TPM3: variants seen among roughly 807,000 people sequenced by gnomAD.
TPM3 encodes the protein tropomyosin alpha-3 chain.
Under a neutral mutation model 43.1 loss-of-function variants are expected in TPM3, and 16 were observed. The ratio of observed to expected loss-of-function variants is 0.37; its 90% confidence interval spans 0.25 to 0.56. The LOEUF is 0.56. TPM3 is among the 20% of genes least tolerant of loss of function. The probability of loss-of-function intolerance (pLI) is 0.77; values close to 1 mark genes in which losing one functional copy is unlikely to be tolerated. For synonymous variants in TPM3, 101 were observed against 116.9 expected (o/e 0.86, Z 0.88); for missense variants, 176 against 337.2 (o/e 0.52, Z 3.74).
chr1:154,170,586 A>G, intron 7 of TPM3, 63 bp downstream of exon 7: 1 of 1,594,048 alleles, frequency 6.3e-7, no homozygotes, highest in Non-Finnish European at 8.6e-7. Flanking sequence ...GTTTAAATCC[A>G]TATTAATGCC....
intron 2 of TPM3, chr1:154,187,367 C>G: frequency 1.0e-6 from 1 of 984,782 alleles, no homozygotes; most frequent in South Asian, 4.7e-5. Flanking sequence ...TTCTTGCTTG[C>G]TCCTGGCCAC....
chr1:154,188,492 G>A (rs902824732), intron 2 of TPM3, among the ~76,000 whole-genome samples: 9 of 151,286 alleles, frequency 5.9e-5, no homozygotes, highest in African/African-American at 2.0e-4. Context: ...TGGCTAACAC[G>A]GTGAAACCCC....
intron 9 of TPM3, among the ~76,000 whole-genome samples, chr1:154,168,161 T>G (rs925469252): frequency 1.3e-5 from 2 of 152,204 alleles, no homozygotes; most frequent in African/African-American, 4.8e-5. Flanking sequence ...AGCAAACAGA[T>G]GAAGCCCCAA....
rs1248563652 is a variant in TPM3 at position 154,163,428 on chromosome 1, C to G, written c.*4509G>C. Among the ~76,000 whole-genome samples, 1 of 152,138 alleles carries G rather than the reference C, an allele frequency of 6.6e-6. No individual in the cohort carries two copies. The highest frequency in any genetic ancestry group is 1.5e-5 in the Non-Finnish European group (1 of 68,020). On this transcript the variant is annotated 3_prime_UTR_variant, in exon 10 of 10. Transcript: ENST00000651641. Reference sequence around the variant, plus strand: ...CTTTTGCCCCTGAAAATGACTCCTCCTCTTCACTTCTTAACACTCAAAATG... The same window carrying G: ...CTTTTGCCCCTGAAAATGACTCCTCGTCTTCACTTCTTAACACTCAAAATG...
chr1:154,158,438 C>T (rs1660018771), downstream of TPM3, among the ~76,000 whole-genome samples: 1 of 152,200 alleles, frequency 6.6e-6, no homozygotes, highest in Non-Finnish European at 1.5e-5. Flanking sequence ...AGCAAGCAAA[C>T]CACTCTGACT....
At position 154,164,380 on chromosome 1, in the gene TPM3, G is replaced by A. The variant is rs894873431; in HGVS notation, c.*3557C>T. On this transcript the variant is annotated 3_prime_UTR_variant, in exon 10 of 10. Coordinates refer to ENST00000651641, the MANE Select transcript of TPM3 (RefSeq NM_152263.4). ...CTCACTTTATTGCCAGGCTGGTCTC[G>A]AACTCCTGGATTCAAGAAATCCTCT... Among the ~76,000 whole-genome samples, 3 of 151,942 alleles carry A rather than the reference G, an allele frequency of 2.0e-5. No homozygotes were observed. The highest frequency in any genetic ancestry group is 2.9e-5 in the Non-Finnish European group (2 of 67,974).
intron 2 of TPM3, among the ~76,000 whole-genome samples, chr1:154,178,515 A>G (rs1239812267): frequency 1.3e-5 from 2 of 152,230 alleles, no homozygotes; most frequent in Non-Finnish European, 2.9e-5. Flanking sequence ...CAATGAAACA[A>G]AAGCCTGCAG....
chr1:154,172,999 A>G (rs1274925820), intron 4 of TPM3, 21 bp from the exon 5 acceptor site: 3 of 1,614,112 alleles, frequency 1.9e-6, no homozygotes, highest in Non-Finnish European at 2.5e-6. Context: ...AGATCCCAGT[A>G]TAGCTTAGTG....
At chr1:154,158,818 A>G (rs769018065), downstream of TPM3, 8 of 666,434 alleles carry the variant, frequency 1.2e-5, no homozygotes, top group Non-Finnish European at 2.2e-5. Flanking sequence ...CAATGCTGTT[A>G]GGAAATCAAC....
rs1663677173 is a variant in TPM3, at chr1:154,191,427, C to T, written c.118-116G>A. 29 of 1,544,632 alleles carry T rather than the reference C, an allele frequency of 1.9e-5. No homozygotes were observed. The South Asian group carries it at 3.3e-4, about 18-fold the overall frequency. On this transcript the variant is annotated intron_variant, in intron 1 of 9. Transcript: ENST00000651641. ...CCATGTTACCATCCCTAGTGAGACA[C>T]ACTTTCTCCCCAGCCACTTCCAGCC...
At chr1:154,174,368 G>GTGTATATATATATATATATA (rs1389219269) in intron 3 of TPM3, among the ~76,000 whole-genome samples, 3 of 46,354 alleles carry the variant, frequency 6.5e-5, no homozygotes, top group African/African-American at 2.0e-4. Flanking sequence ...AAATATATGT[G>GTGTATATATATATATATATA]TATATATATA....
chr1:154,186,400 T>A lies in TPM3; in HGVS notation c.243+4786A>T, dbSNP rs1293739283. 4.6e-5 allele frequency among the ~76,000 whole-genome samples: 7 copies of A among 151,486 alleles called. 1 individual carries two copies. The highest frequency in any genetic ancestry group is 1.7e-4 in the African/African-American group (7 of 40,786). On this transcript the variant is annotated intron_variant, in intron 2 of 9. Transcript: ENST00000651641. ...ATTTGAGCAGATAATCTCCTCTTAA[T>A]GCAGTCAAACAGATGGACTGACTCA...
At chr1:154,180,949 G>A (rs891220603) in intron 2 of TPM3, among the ~76,000 whole-genome samples, 3 of 151,740 alleles carry the variant, frequency 2.0e-5, no homozygotes, top group African/African-American at 4.8e-5. Context: ...GGGGATGGGA[G>A]GCAGGAATCA....
At chr1:154,168,646 C>T (rs898165934) in intron 9 of TPM3, among the ~76,000 whole-genome samples, 6 of 151,924 alleles carry the variant, frequency 3.9e-5, no homozygotes, top group East Asian at 3.9e-4. Flanking sequence ...CTTAGCCTCC[C>T]GAGTAGTTGG....
intron 2 of TPM3, among the ~76,000 whole-genome samples, chr1:154,177,789 C>A (rs1341890441): frequency 6.6e-6 from 1 of 152,170 alleles, no homozygotes; most frequent in African/African-American, 2.4e-5. Context: ...ACCATCAGGA[C>A]TGGCACAAAA....
At chr1:154,175,128 A>G (rs1243128684) in intron 3 of TPM3, among the ~76,000 whole-genome samples, 2 of 152,046 alleles carry the variant, frequency 1.3e-5, no homozygotes, top group East Asian at 1.9e-4. Flanking sequence ...GCAGGAGATC[A>G]AGACCATCCT....
At chr1:154,179,372 C>T (rs182113315) in intron 2 of TPM3, among the ~76,000 whole-genome samples, 3 of 152,214 alleles carry the variant, frequency 2.0e-5, no homozygotes, top group Non-Finnish European at 4.4e-5. Flanking sequence ...GAAAGGAAAG[C>T]AAAGCAACCA....
chr1:154,184,296 C>A (rs187030188), intron 2 of TPM3, among the ~76,000 whole-genome samples: 1 of 152,138 alleles, frequency 6.6e-6, no homozygotes, highest in African/African-American at 2.4e-5. Flanking sequence ...CTCGGCCTCC[C>A]AAAGTGCTGG....
intron 2 of TPM3, among the ~76,000 whole-genome samples, chr1:154,187,943 CA>C (rs1448047266): frequency 6.6e-6 from 1 of 151,678 alleles, no homozygotes; most frequent in Admixed American, 6.5e-5. Context: ...CTAGGCTATA[CA>C]ACTCCAGCCA....
Sources: allele counts gnomAD v4.1 joint callset (sites outside exome capture counted in the v4.1 genomes callset), GRCh38; gene constraint gnomAD v4.1.1; transcripts MANE v1.5; gene names NCBI Gene and HGNC (gene_info 2026-07-23, HGNC 2026-07-21).